Variants in TBC1D22A observed in about 807,000 individuals in gnomAD.
TBC1D22A encodes putative GTPase activator.
TBC1D22A carries 38 observed loss-of-function variants against 60.2 expected under a neutral mutation model. The observed-to-expected ratio is 0.63, with a 90% CI of 0.49 to 0.83. The LOEUF is 0.83. Among genes scored for constraint, TBC1D22A ranks in the 40% least tolerant of loss-of-function variants. The pLI, the probability that TBC1D22A is intolerant of heterozygous loss-of-function variation, is 0.00. For missense variants in TBC1D22A, 628 were observed against 701.0 expected (o/e 0.90, Z 1.18); for synonymous variants, 302 against 281.7 (o/e 1.07, Z -0.72).
At chr22:46,996,567 G>A (rs958850429) in intron 9 of TBC1D22A, among the ~76,000 whole-genome samples, 2 of 152,238 alleles carry the variant, frequency 1.3e-5, no homozygotes, top group African/African-American at 4.8e-5. Context: ...GTGGAACCTT[G>A]GCATCTTTGG....
At chr22:47,142,885 C>G (rs1369948800) in intron 12 of TBC1D22A, among the ~76,000 whole-genome samples, 1 of 148,494 alleles carries the variant, frequency 6.7e-6, no homozygotes, top group South Asian at 2.2e-4. Flanking sequence ...TCCACCCACC[C>G]ACCCGACCAC....
chr22:46,890,527 AG>A (rs1428538880), intron 5 of TBC1D22A, among the ~76,000 whole-genome samples: 1 of 152,162 alleles, frequency 6.6e-6, no homozygotes, highest in East Asian at 1.9e-4. Context: ...ATTTTATATA[AG>A]GGTCTTGAGT....
chr22:46,937,952 T>C (rs2071755465), intron 8 of TBC1D22A, among the ~76,000 whole-genome samples: 1 of 152,066 alleles, frequency 6.6e-6, no homozygotes, highest in Non-Finnish European at 1.5e-5. Flanking sequence ...AAACTAAGTA[T>C]TATTATAAAA....
chr22:46,894,901 T>G (rs2068593515), intron 7 of TBC1D22A, 55 bp downstream of exon 7: 5 of 1,595,536 alleles, frequency 3.1e-6, no homozygotes, highest in Non-Finnish European at 4.3e-6. Context: ...TGATGCCCAC[T>G]GTGCTAACCA....
intron 5 of TBC1D22A, among the ~76,000 whole-genome samples, chr22:46,889,592 C>T (rs2068289813): frequency 6.6e-6 from 1 of 152,188 alleles, no homozygotes; most frequent in Admixed American, 6.5e-5. Flanking sequence ...CCGGAAACAA[C>T]CGAAATGCTC....
intron 4 of TBC1D22A, among the ~76,000 whole-genome samples, chr22:46,835,988 A>G (rs2086500686): frequency 6.6e-6 from 1 of 152,234 alleles, no homozygotes; most frequent in Non-Finnish European, 1.5e-5. Context: ...ATACCCAGCA[A>G]AGCTGTCCTA....
chr22:46,826,026 G>A (rs1352248095), intron 4 of TBC1D22A, among the ~76,000 whole-genome samples: 1 of 151,966 alleles, frequency 6.6e-6, no homozygotes, highest in East Asian at 1.9e-4. Flanking sequence ...GGGACTGCAG[G>A]TGCCCACCAC....
intron 4 of TBC1D22A, among the ~76,000 whole-genome samples, chr22:46,803,621 C>G (rs527722421): frequency 6.6e-6 from 1 of 152,170 alleles, no homozygotes; most frequent in African/African-American, 2.4e-5. Context: ...CTTACACTTG[C>G]GCGTGTCTGT....
intron 5 of TBC1D22A, among the ~76,000 whole-genome samples, chr22:46,884,547 A>C (rs1393984494): frequency 6.6e-6 from 1 of 152,206 alleles, no homozygotes; most frequent in African/African-American, 2.4e-5. Context: ...GGCCCTGCAC[A>C]GACTGAGAGC....
chr22:47,073,522 AAT>A (rs2147521041), intron 11 of TBC1D22A, among the ~76,000 whole-genome samples: 1 of 152,296 alleles, frequency 6.6e-6, no homozygotes, highest in Admixed American at 6.5e-5. Context: ...AAGCCTCATA[AAT>A]ATATACAATG....
chr22:47,013,759 CG>C (rs914115404), intron 10 of TBC1D22A, among the ~76,000 whole-genome samples: 3 of 152,292 alleles, frequency 2.0e-5, no homozygotes, highest in Admixed American at 6.5e-5. Flanking sequence ...GGGCACATCC[CG>C]TCTTTCTACT....
chr22:46,985,586 GAATA>G lies in TBC1D22A; in HGVS notation c.1125+11188_1125+11191del, dbSNP rs1223890241. On this transcript the variant is annotated intron_variant, in intron 9 of 12. Transcript: ENST00000337137. ...TAAGAATCCGTGTCGTTGCCTGAAT[GAATA>G]GTTGATTCCTTTTAATTACTAAGTA... Among the ~76,000 whole-genome samples, 7 of 152,336 alleles carry G rather than the reference GAATA, an allele frequency of 4.6e-5. No individual in the cohort carries two copies. In the East Asian group the frequency reaches 1.2e-3, roughly 25 times the overall value.
In TBC1D22A at chr22:47,107,606, A is replaced by G. The variant is rs147995124; in HGVS notation, c.1330-3902A>G. Among the ~76,000 whole-genome samples, 11 of 152,390 alleles carry G rather than the reference A, an allele frequency of 7.2e-5. No homozygotes were observed. In the East Asian group the frequency reaches 2.1e-3, roughly 29 times the overall value. Reference sequence around the variant, plus strand: ...ATCTGATTAAACGAAGAGCTATATCATGGTCATGAGTCAGAAGACTGATTA... The same window carrying G: ...ATCTGATTAAACGAAGAGCTATATCGTGGTCATGAGTCAGAAGACTGATTA... On this transcript the variant is annotated intron_variant, in intron 11 of 12. Coordinates refer to ENST00000337137, the MANE Select transcript of TBC1D22A (RefSeq NM_014346.5).
chr22:47,074,513 G>A (rs937861822), intron 11 of TBC1D22A, among the ~76,000 whole-genome samples: 5 of 152,238 alleles, frequency 3.3e-5, no homozygotes, highest in East Asian at 1.9e-4. Flanking sequence ...TAGGAAAGGC[G>A]TCTCTCATTG....
chr22:47,097,192 T>G (rs377424922), intron 11 of TBC1D22A, among the ~76,000 whole-genome samples: 1 of 68,292 alleles, frequency 1.5e-5, no homozygotes, highest in Non-Finnish European at 2.6e-5. Flanking sequence ...TCTGATACAG[T>G]CTTCACCTTG....
intron 11 of TBC1D22A, among the ~76,000 whole-genome samples, chr22:47,058,524 T>G (rs990656835): frequency 1.3e-5 from 2 of 152,008 alleles, no homozygotes; most frequent in Admixed American, 1.3e-4. Context: ...ACCTTAGCTC[T>G]TGCCTCCCCT....
intron 12 of TBC1D22A, among the ~76,000 whole-genome samples, chr22:47,161,990 G>A (rs897506354): frequency 6.6e-6 from 1 of 152,182 alleles, no homozygotes; most frequent in Non-Finnish European, 1.5e-5. Flanking sequence ...GGGCCTCCTC[G>A]CTCCGGACAC....
At chr22:47,158,392 A>C (rs1397906249) in intron 12 of TBC1D22A, among the ~76,000 whole-genome samples, 1 of 152,208 alleles carries the variant, frequency 6.6e-6, no homozygotes, top group Non-Finnish European at 1.5e-5. Context: ...ACTTCTTCTT[A>C]GGAACACAAA....
chr22:46,984,293 G>C (rs2148177907), intron 9 of TBC1D22A, among the ~76,000 whole-genome samples: 1 of 143,342 alleles, frequency 7.0e-6, no homozygotes, highest in South Asian at 2.2e-4. Context: ...CTTGAACCTG[G>C]GAGACAGAGG....
Sources: gnomAD v4.1 joint callset for allele counts (sites outside exome capture counted in the v4.1 genomes callset) on GRCh38, gnomAD v4.1.1 for gene constraint, MANE v1.5 for transcripts, NCBI Gene and HGNC (gene_info 2026-07-23, HGNC 2026-07-21) for gene names.